The following SV2C variants were observed in gnomAD, a reference collection of about 807,000 sequenced individuals.
The protein encoded by SV2C is synaptic vesicle glycoprotein 2C.
SV2C carries 49 observed loss-of-function variants against 79.7 expected under a neutral mutation model. The ratio of observed to expected loss-of-function variants is 0.61; its 90% CI spans 0.49 to 0.78. The LOEUF is 0.78. Ranked by LOEUF, SV2C falls within the 30% of genes least tolerant of loss-of-function variation. The pLI, the probability that SV2C is intolerant of heterozygous loss-of-function variation, is 0.00. For missense variants in SV2C, 833 were observed against 912.9 expected, an observed-to-expected ratio of 0.91 and a Z score of 1.13; for synonymous variants, 334 against 333.2, an observed-to-expected ratio of 1.00 and a Z score of -0.03.
At chr5:75,991,280 T>A in the SV2C span, among the ~76,000 whole-genome samples, 1 of 151,812 alleles carries the variant, frequency 6.6e-6, no homozygotes, top group Admixed American at 6.6e-5. Context: ...TATCATCATG[T>A]TTTTGCCAAT....
chr5:75,939,235 T>G, the SV2C span, among the ~76,000 whole-genome samples: 5 of 152,058 alleles, frequency 3.3e-5, no homozygotes, highest in African/African-American at 1.2e-4. Flanking sequence ...AAGCAACAGG[T>G]GTTTATTTCT....
chr5:76,149,503 A>G (rs538436989), intron 2 of SV2C, among the ~76,000 whole-genome samples: 57 of 152,338 alleles, frequency 3.7e-4, no homozygotes, highest in Non-Finnish European at 7.6e-4. Context: ...CCAGCCAAGA[A>G]GCAGCAGCAC....
chr5:75,994,291 C>G, the SV2C span, among the ~76,000 whole-genome samples: 1 of 152,046 alleles, frequency 6.6e-6, no homozygotes, highest in East Asian at 1.9e-4. Flanking sequence ...GTGCAACTTT[C>G]CCATGTCCCT....
intron 2 of SV2C, among the ~76,000 whole-genome samples, chr5:76,172,461 G>A (rs1418524624): frequency 4.6e-5 from 4 of 86,732 alleles, no homozygotes; most frequent in Non-Finnish European, 4.6e-5. Context: ...CGCCCTGTCC[G>A]GGAGGTGAGG....
the SV2C span, among the ~76,000 whole-genome samples, chr5:75,896,277 T>C: frequency 6.9e-5 from 10 of 144,446 alleles, no homozygotes; most frequent in African/African-American, 2.3e-4. Flanking sequence ...TATGTTCTCA[T>C]TGTTCAATTC....
chr5:75,957,882 T>C, the SV2C span, among the ~76,000 whole-genome samples: 1 of 152,124 alleles, frequency 6.6e-6, no homozygotes, highest in Non-Finnish European at 1.5e-5. Flanking sequence ...TCATTGTATC[T>C]TTCATAGTTC....
At chr5:76,162,746 TG>T (rs959217606) in intron 2 of SV2C, among the ~76,000 whole-genome samples, 4 of 152,250 alleles carry the variant, frequency 2.6e-5, no homozygotes, top group African/African-American at 9.6e-5. Context: ...GAATGTTTCA[TG>T]GGACATGAAA....
At chr5:76,128,854 T>C (rs1465974962) in intron 1 of SV2C, among the ~76,000 whole-genome samples, 2 of 152,200 alleles carry the variant, frequency 1.3e-5, no homozygotes, top group South Asian at 4.1e-4. Flanking sequence ...GCGGACCTTC[T>C]TATAGGCCAC....
intron 12 of SV2C, among the ~76,000 whole-genome samples, chr5:76,339,531 G>T (rs112497844): frequency 0.059 from 8,984 of 152,046 alleles, 813 homozygotes; most frequent in African/African-American, 0.2. Flanking sequence ...TGGCTAACAA[G>T]GTGAAACTCT....
At chr5:76,162,556 A>G (rs920589379) in intron 2 of SV2C, among the ~76,000 whole-genome samples, 1 of 152,192 alleles carries the variant, frequency 6.6e-6, no homozygotes, top group Non-Finnish European at 1.5e-5. Context: ...ATGCTTCCTG[A>G]CAGTCTTATC....
rs1396364348 is a variant in SV2C at position 76,239,368 on chromosome 5, G to A, written c.913+29481G>A. 2.0e-5 allele frequency among the ~76,000 whole-genome samples: 3 copies of A among 152,196 alleles called. No homozygotes were observed. In the East Asian group the frequency reaches 5.8e-4, roughly 29 times the overall value. On this transcript the variant is annotated intron_variant, in intron 4 of 12. Transcript: ENST00000502798. Reference sequence around the variant, plus strand: ...AGCAGAGCAAATAAATGCTGTACTTGTGCTCTATTGCTGCATAACAAATCA... The same window carrying A: ...AGCAGAGCAAATAAATGCTGTACTTATGCTCTATTGCTGCATAACAAATCA...
chr5:76,312,823 C>T (rs898384432), intron 12 of SV2C, among the ~76,000 whole-genome samples: 20 of 152,198 alleles, frequency 1.3e-4, no homozygotes, highest in African/African-American at 3.4e-4. Flanking sequence ...TCACACCTGC[C>T]GATCCCTGAG....
chr5:75,945,801 G>T, the SV2C span, among the ~76,000 whole-genome samples: 9 of 151,970 alleles, frequency 5.9e-5, 1 homozygote, highest in Admixed American at 5.9e-4. Flanking sequence ...TAGATATTTG[G>T]AAATTAAATA....
intron 12 of SV2C, among the ~76,000 whole-genome samples, chr5:76,301,908 C>CA (rs11436839): frequency 0.43 from 17,402 of 40,842 alleles, 3,483 homozygotes; most frequent in East Asian, 0.47. Context: ...GACACCATCT[C>CA]AAAAAAAAAA....
At chr5:76,195,994 A>C (rs908220116) in intron 3 of SV2C, among the ~76,000 whole-genome samples, 1 of 152,196 alleles carries the variant, frequency 6.6e-6, no homozygotes, top group East Asian at 1.9e-4. Context: ...ACACAAAATG[A>C]ATCTGTAGGA....
chr5:76,315,188 GCA>G (rs10606819), intron 12 of SV2C, among the ~76,000 whole-genome samples: 33,409 of 144,706 alleles, frequency 0.23, 4,108 homozygotes, highest in East Asian at 0.42. Flanking sequence ...ATGGCCAGGC[GCA>G]CACACACACA....
Position 76,300,907 on chromosome 5 carries a change from C to T in SV2C, c.1815C>T (p.Asp605=), listed in dbSNP as rs1471269013. 1.2e-6 allele frequency: 2 copies of T among 1,614,090 alleles called. No homozygotes were observed. The highest frequency in any genetic ancestry group is 1.7e-6 in the Non-Finnish European group (2 of 1,179,976). Residue 605 remains aspartate (D), a synonymous_variant, in exon 11 of 13, where the codon GAC becomes GAT. Coordinates refer to ENST00000502798, the MANE Select transcript of SV2C (RefSeq NM_014979.4). ...ACATTGTGTCTGCTCTGCTGATGGA[C>T]AGAATTGGGCGCTTAACAATGCTAG... The part of the protein sequence containing the change: ...PGNIVSALLM[D]RIGRLTMLGG...
chr5:75,921,127 G>T, the SV2C span: 1 of 861,828 alleles, frequency 1.2e-6, no homozygotes, highest in Non-Finnish European at 1.9e-6. Context: ...TGGCCTTGCT[G>T]TTTTCAATGT....
At chr5:76,275,226 G>A (rs1042572424) in intron 4 of SV2C, among the ~76,000 whole-genome samples, 3 of 152,128 alleles carry the variant, frequency 2.0e-5, no homozygotes, top group African/African-American at 7.2e-5. Context: ...AGTGGCTCAC[G>A]CCTGTAATCC....
Sources: allele counts gnomAD v4.1 joint callset (sites outside exome capture counted in the v4.1 genomes callset), GRCh38; gene constraint gnomAD v4.1.1; transcripts MANE v1.5; gene names NCBI Gene and HGNC (gene_info 2026-07-23, HGNC 2026-07-21).